ZNF473: variants seen among roughly 807,000 people sequenced by gnomAD.
The protein encoded by ZNF473 is zinc finger protein 100 homolog.
A neutral mutation model predicts 11.1 loss-of-function variants in ZNF473; 4 were observed. The ratio of observed to expected loss-of-function variants is 0.36; its 90% CI spans 0.18 to 0.82. The LOEUF is 0.82. Ranked by LOEUF, ZNF473 falls within the 40% of genes least tolerant of loss-of-function variation. The probability of loss-of-function intolerance (pLI) is 0.49; values close to 1 mark genes in which losing one functional copy is unlikely to be tolerated. For missense variants in ZNF473, 854 were observed against 1,084.0 expected (o/e 0.79, Z 2.98); for synonymous variants, 404 against 390.4 (o/e 1.03, Z -0.41).
At chr19:50,042,600 G>A (rs1218608281) in intron 4 of ZNF473, 1 of 152,194 alleles carries the variant, frequency 6.6e-6, no homozygotes, top group Admixed American at 6.5e-5. Context: ...TCAGCATATT[G>A]GCTGTTTCCA....
chr19:50,045,824 T>G lies in ZNF473; in HGVS notation c.1381T>G (p.Cys461Gly). 6.2e-7 allele frequency: 1 copy of G among 1,613,944 alleles called. No homozygotes were observed. The highest frequency in any genetic ancestry group is 8.5e-7 in the Non-Finnish European group (1 of 1,179,946). Residue 461 changes from cysteine (C) to glycine (G), a missense_variant, in exon 5 of 5, where the codon TGT (cysteine) becomes GGT (glycine). Cys to Gly is a radical substitution (Grantham distance 159). Coordinates refer to ENST00000270617, the MANE Select transcript of ZNF473 (RefSeq NM_015428.4). ...TCATACAGGCTACAGACCCCACAAATGTCAGGAATGCGTCAGGAGTTTCAG... is the reference window on the plus strand; with the variant it reads ...TCATACAGGCTACAGACCCCACAAAGGTCAGGAATGCGTCAGGAGTTTCAG... ...RIHTGYRPHK[C>G]QECVRSFSRP...
chr19:50,045,390 A>ATAG lies in ZNF473; in HGVS notation c.950_952dup (p.Ser317dup). On this transcript the variant is annotated inframe_insertion, in exon 5 of 5. Coordinates refer to ENST00000270617, the MANE Select transcript of ZNF473 (RefSeq NM_015428.4). ...GGTGAGCATCAGAAAACTCACACAG[A>ATAG]TAGTAAGTCCTACAACTGTAACGAA... The ATAG allele has an allele frequency of 6.2e-7, 1 of 1,614,194 alleles. No individual in the cohort carries two copies. The highest frequency in any genetic ancestry group is 1.1e-5 in the South Asian group (1 of 91,084).
chr19:50,038,290 C>T (rs4802649), intron 2 of ZNF473, among the ~76,000 whole-genome samples: 59,187 of 150,794 alleles, frequency 0.39, 12,837 homozygotes, highest in East Asian at 0.74. Flanking sequence ...CTAGGAAAGT[C>T]TTAAAATGAA....
chr19:50,038,177 TTTTATAAA>T (rs1183529148), intron 2 of ZNF473, among the ~76,000 whole-genome samples: 44 of 133,544 alleles, frequency 3.3e-4, no homozygotes, highest in Admixed American at 8.5e-4. Flanking sequence ...TAAATTATAA[TTTTATAAA>T]TTTATAAATT....
chr19:50,035,111 G>A (rs1258674139), intron 2 of ZNF473, among the ~76,000 whole-genome samples: 3 of 152,056 alleles, frequency 2.0e-5, no homozygotes, highest in Non-Finnish European at 2.9e-5. Flanking sequence ...GGGCAACGTG[G>A]TGAAACCCCA....
At chr19:50,031,583 G>C (rs1189419320) in intron 2 of ZNF473, among the ~76,000 whole-genome samples, 1 of 152,070 alleles carries the variant, frequency 6.6e-6, no homozygotes, top group Non-Finnish European at 1.5e-5. Flanking sequence ...TCCCTAGGCA[G>C]TCAGCACTTT....
intron 1 of ZNF473, among the ~76,000 whole-genome samples, chr19:50,027,264 C>T (rs956026552): frequency 6.6e-6 from 1 of 152,138 alleles, no homozygotes; most frequent in African/African-American, 2.4e-5. Context: ...ACATTAAGAC[C>T]CTACATGGCC....
intron 1 of ZNF473, among the ~76,000 whole-genome samples, chr19:50,028,645 G>A (rs1013312742): frequency 6.6e-6 from 1 of 152,134 alleles, no homozygotes; most frequent in East Asian, 1.9e-4. Context: ...CTTTAAATGG[G>A]CACCAGTGAA....
chr19:50,029,293 C>T (rs1012245546), intron 1 of ZNF473, among the ~76,000 whole-genome samples: 1 of 152,212 alleles, frequency 6.6e-6, no homozygotes, highest in Admixed American at 6.5e-5. Flanking sequence ...CAGGCGCCCA[C>T]CACCATGCCT....
At chr19:50,032,930 C>T (rs2077325452) in intron 2 of ZNF473, among the ~76,000 whole-genome samples, 1 of 152,158 alleles carries the variant, frequency 6.6e-6, no homozygotes, top group African/African-American at 2.4e-5. Context: ...TTTGTGTCCC[C>T]ATTTCTCCTT....
At chr19:50,040,929 T>C (rs1978731909) in intron 3 of ZNF473, among the ~76,000 whole-genome samples, 1 of 152,256 alleles carries the variant, frequency 6.6e-6, no homozygotes, top group South Asian at 2.1e-4. Context: ...GAAGTGTGTT[T>C]ACCTCGACTG....
At chr19:50,033,557 C>T (rs774925390) in intron 2 of ZNF473, among the ~76,000 whole-genome samples, 7 of 152,148 alleles carry the variant, frequency 4.6e-5, no homozygotes, top group African/African-American at 1.2e-4. Flanking sequence ...ACCACTGGGA[C>T]GACTGTTTCA....
chr19:50,045,840 G>A lies in ZNF473; in HGVS notation c.1397G>A (p.Arg466Lys), dbSNP rs1295110247. 2 of 1,614,092 alleles carry A rather than the reference G, an allele frequency of 1.2e-6. No individual in the cohort carries two copies. The highest frequency in any genetic ancestry group is 1.7e-6 in the Non-Finnish European group (2 of 1,179,984). ...YRPHKCQECV[R>K]SFSRPSHLMR... ...CCCCACAAATGTCAGGAATGCGTCA[G>A]GAGTTTCAGCCGGCCCTCACATCTG... Residue 466 changes from arginine (R) to lysine (K), a missense_variant, in exon 5 of 5, where the codon AGG becomes AAG. This residue lies in a region of ZNF473 where 668 missense variants were observed against 790.2 expected (regional missense o/e 0.85). Coordinates refer to ENST00000270617, the MANE Select transcript of ZNF473 (RefSeq NM_015428.4).
At chr19:50,036,314 C>CTTTTTTTTTTTT (rs35619461) in intron 2 of ZNF473, among the ~76,000 whole-genome samples, 1 of 108,774 alleles carries the variant, frequency 9.2e-6, no homozygotes, top group African/African-American at 4.0e-5. Flanking sequence ...GAGGTGGGGC[C>CTTTTTTTTTTTT]TTTTTTTTTT....
At position 50,047,002 on chromosome 19, in the gene ZNF473, CCA is replaced by C; in HGVS notation, c.2561_2562del (p.His854LeufsTer29). The C allele has an allele frequency of 6.2e-7, 1 of 1,613,946 alleles. No homozygotes were observed. The highest frequency in any genetic ancestry group is 8.5e-7 in the Non-Finnish European group (1 of 1,180,024). On this transcript the variant is annotated frameshift_variant, in exon 5 of 5. Coordinates refer to ENST00000270617, the MANE Select transcript of ZNF473 (RefSeq NM_015428.4). LOFTEE classifies it low-confidence loss of function (END_TRUNC). ...CQRCQKAFRCHSSLSRHQRVH... is the reference protein window; with the variant it reads ...CQRCQKAFRCXSSLSRHQRVH... ...AACGTTGCCAGAAAGCCTTTCGGTGCCACTCGAGCCTCAGCCGCCATCAGCGT... is the reference window on the plus strand; with the variant it reads ...AACGTTGCCAGAAAGCCTTTCGGTGCCTCGAGCCTCAGCCGCCATCAGCGT...
At chr19:50,028,717 CAT>C (rs2077300999) in intron 1 of ZNF473, among the ~76,000 whole-genome samples, 2 of 152,080 alleles carry the variant, frequency 1.3e-5, no homozygotes. Flanking sequence ...AAGTTGGAAA[CAT>C]AATTTTTAGG....
Position 50,045,642 on chromosome 19 carries a change from A to T in ZNF473, c.1199A>T (p.Glu400Val), listed in dbSNP as rs1979057076. The change falls in exon 5 of 5, where the codon GAG becomes GTG. Residue 400 changes from glutamate to valine, a missense_variant. By Grantham distance (121) the Glu-to-Val change is moderately radical. This residue lies in a region of ZNF473 where 668 missense variants were observed against 790.2 expected (regional missense o/e 0.85). Coordinates refer to ENST00000270617, the MANE Select transcript of ZNF473 (RefSeq NM_015428.4). ...LIEHQALHAG[E>V]EPYKCNERGK... is the part of the protein sequence containing the mutation. ...GAACACCAGGCTCTTCATGCTGGAGAGGAGCCTTATAAGTGTAACGAACGT... is the reference window on the plus strand; with the variant it reads ...GAACACCAGGCTCTTCATGCTGGAGTGGAGCCTTATAAGTGTAACGAACGT... 6.2e-7 allele frequency: 1 copy of T among 1,614,126 alleles called. No homozygotes were observed. Among genetic ancestry groups the T allele is most frequent in the Middle Eastern group, 1.6e-4 (1 of 6,062 alleles).
At chr19:50,044,347 G>A (rs1978946826) in intron 4 of ZNF473, among the ~76,000 whole-genome samples, 2 of 152,196 alleles carry the variant, frequency 1.3e-5, no homozygotes, top group Non-Finnish European at 2.9e-5. Context: ...AGGATATGAG[G>A]AGGAAGATTT....
chr19:50,033,786 C>T (rs11084000), intron 2 of ZNF473, among the ~76,000 whole-genome samples: 36,555 of 151,936 alleles, frequency 0.24, 4,744 homozygotes, highest in East Asian at 0.34. Context: ...GGCTCCTGGC[C>T]GCATCACTCT....
Sources: gnomAD v4.1 joint callset for allele counts (sites outside exome capture counted in the v4.1 genomes callset) on GRCh38, gnomAD v4.1.1 for gene constraint, gnomAD v4.1.1 regional missense constraint, MANE v1.5 for transcripts, NCBI Gene and HGNC (gene_info 2026-07-23, HGNC 2026-07-21) for gene names.